LUC7L2: variants seen among roughly 807,000 people sequenced by gnomAD.
LUC7L2 encodes putative RNA-binding protein Luc7-like 2.
Under a neutral mutation model 52.8 loss-of-function variants are expected in LUC7L2, and 25 were observed. The observed-to-expected ratio is 0.47, with a 90% CI of 0.34 to 0.66. The LOEUF (loss-of-function observed/expected upper bound fraction) is 0.66, where lower values mean the gene tolerates loss of function less well. LUC7L2 is among the 30% of genes least tolerant of loss of function. LUC7L2 has a pLI of 0.01. For missense variants in LUC7L2, 328 were observed against 497.8 expected (o/e 0.66, Z 3.25); for synonymous variants, 144 against 160.9 (o/e 0.89, Z 0.80).
chr7:139,405,135 A>T (rs1189828931), intron 4 of LUC7L2, among the ~76,000 whole-genome samples: 1 of 152,200 alleles, frequency 6.6e-6, no homozygotes, highest in Non-Finnish European at 1.5e-5. Flanking sequence ...TGGGGCTGGG[A>T]TGTGGTGACT....
At chr7:139,386,555 C>T (rs1794203857) in intron 2 of LUC7L2, among the ~76,000 whole-genome samples, 1 of 151,548 alleles carries the variant, frequency 6.6e-6, no homozygotes, top group Admixed American at 6.6e-5. Context: ...CAGGCGCCTG[C>T]CACCACACCT....
At chr7:139,403,282 G>T (rs565947197) in intron 4 of LUC7L2, among the ~76,000 whole-genome samples, 1 of 152,008 alleles carries the variant, frequency 6.6e-6, no homozygotes, top group African/African-American at 2.4e-5. Flanking sequence ...TTATAGAGTC[G>T]ATTTATTAGA....
chr7:139,360,386 C>A, intron 1 of LUC7L2, 64 bp downstream of exon 1: 5 of 1,486,838 alleles, frequency 3.4e-6, no homozygotes, highest in Non-Finnish European at 4.5e-6. Flanking sequence ...GAAGGGGTTC[C>A]GAGGGCGCAC....
chr7:139,352,955 T>C (rs1252844348), intron 1 of LUC7L2, among the ~76,000 whole-genome samples: 2 of 152,178 alleles, frequency 1.3e-5, no homozygotes, highest in African/African-American at 4.8e-5. Context: ...CCCAGCACTT[T>C]GGGAGGCTGA....
At chr7:139,358,783 C>T (rs34142814), upstream of LUC7L2, among the ~76,000 whole-genome samples, 6,042 of 152,192 alleles carry the variant, frequency 0.04, 180 homozygotes, top group Non-Finnish European at 0.059. Context: ...CTCCCGGGTT[C>T]AAACGATTCT....
chr7:139,422,132 A>G (rs371639877), intron 9 of LUC7L2, 31 bp from the exon 10 acceptor site: 34 of 1,573,152 alleles, frequency 2.2e-5, no homozygotes, highest in South Asian at 1.1e-4. Context: ...GTTTCCCAAC[A>G]TATTTTGCTC....
intron 9 of LUC7L2, among the ~76,000 whole-genome samples, chr7:139,421,607 A>G (rs558725175): frequency 6.6e-6 from 1 of 152,342 alleles, no homozygotes; most frequent in East Asian, 1.9e-4. Context: ...TTAAATTCAT[A>G]TTAATAATTG....
chr7:139,385,530 A>G (rs1794158039), intron 2 of LUC7L2, among the ~76,000 whole-genome samples: 1 of 151,990 alleles, frequency 6.6e-6, no homozygotes, highest in Non-Finnish European at 1.5e-5. Flanking sequence ...CATGCTGTCC[A>G]GGCTCTTCTC....
At chr7:139,394,003 G>A (rs1794556632) in intron 2 of LUC7L2, among the ~76,000 whole-genome samples, 2 of 152,114 alleles carry the variant, frequency 1.3e-5, no homozygotes, top group East Asian at 1.9e-4. Context: ...GTCAGGCTAG[G>A]CTATAAACTT....
chr7:139,340,939 C>G (rs1454737748), intron 1 of LUC7L2, among the ~76,000 whole-genome samples: 3 of 152,076 alleles, frequency 2.0e-5, no homozygotes, highest in Non-Finnish European at 4.4e-5. Context: ...CGCAGGTCCC[C>G]TGGGATTTGG....
intron 1 of LUC7L2, among the ~76,000 whole-genome samples, chr7:139,349,954 G>A (rs933627209): frequency 6.6e-6 from 1 of 152,112 alleles, no homozygotes; most frequent in Admixed American, 6.5e-5. Context: ...GTTATCTTGT[G>A]CCCCTTTGCA....
intron 1 of LUC7L2, chr7:139,374,418 C>T: frequency 6.4e-7 from 1 of 1,550,814 alleles, no homozygotes; most frequent in Non-Finnish European, 8.7e-7. Context: ...GTATCTATGC[C>T]TGCCTACCTC....
intron 1 of LUC7L2, chr7:139,363,219 C>T: frequency 1.0e-6 from 1 of 985,386 alleles, no homozygotes. Context: ...GAAAATCGTG[C>T]CGATGCCTGG....
chr7:139,394,789 A>G (rs546240418), intron 2 of LUC7L2, among the ~76,000 whole-genome samples: 71 of 152,354 alleles, frequency 4.7e-4, no homozygotes, highest in African/African-American at 1.7e-3. Flanking sequence ...CGGAACTAGC[A>G]TGGTAAAGTG....
At chr7:139,415,637 C>T (rs1585135394) in intron 8 of LUC7L2, among the ~76,000 whole-genome samples, 3 of 141,362 alleles carry the variant, frequency 2.1e-5, no homozygotes, top group East Asian at 4.3e-4. Flanking sequence ...GGACCACAGG[C>T]GTGTGCCACC....
intron 1 of LUC7L2, among the ~76,000 whole-genome samples, chr7:139,351,243 T>A (rs1799450035): frequency 6.6e-6 from 1 of 152,140 alleles, no homozygotes; most frequent in African/African-American, 2.4e-5. Context: ...TATCTCAAAT[T>A]CAATGTGTGC....
chr7:139,385,099 A>G (rs1242707182), intron 2 of LUC7L2, among the ~76,000 whole-genome samples: 1 of 152,146 alleles, frequency 6.6e-6, no homozygotes, highest in African/African-American at 2.4e-5. Flanking sequence ...TTTGTGTATT[A>G]CTTGTATTAA....
At chr7:139,368,650 A>G (rs1003861701) in intron 1 of LUC7L2, among the ~76,000 whole-genome samples, 2 of 149,290 alleles carry the variant, frequency 1.3e-5, no homozygotes, top group Non-Finnish European at 2.9e-5. Context: ...AGGTTGGAGA[A>G]TTGTTTGAAC....
chr7:139,362,757 C>G (rs1357465437), intron 1 of LUC7L2, among the ~76,000 whole-genome samples: 1 of 151,850 alleles, frequency 6.6e-6, no homozygotes, highest in African/African-American at 2.4e-5. Flanking sequence ...GCACAGAGTC[C>G]TGGGGCTTTG....
Sources: allele counts gnomAD v4.1 joint callset (sites outside exome capture counted in the v4.1 genomes callset), GRCh38; gene constraint gnomAD v4.1.1; transcripts MANE v1.5; gene names NCBI Gene and HGNC (gene_info 2026-07-23, HGNC 2026-07-21).